Variants in RNF157 observed in about 807,000 individuals in gnomAD.
The protein encoded by RNF157 is ring finger protein 157.
In RNF157, 55 loss-of-function variants were observed where a neutral mutation model predicts 88.3. That is an observed-to-expected ratio of 0.62 (90% CI 0.50 to 0.78). The LOEUF (loss-of-function observed/expected upper bound fraction) is 0.78. Ranked by LOEUF, RNF157 falls within the 30% of genes least tolerant of loss-of-function variation. The pLI is 0.00. For missense variants in RNF157, 788 were observed against 860.8 expected (o/e 0.92, Z 1.06); for synonymous variants, 334 against 341.2 (o/e 0.98, Z 0.23).
intron 3 of RNF157, among the ~76,000 whole-genome samples, chr17:76,170,519 C>A (rs915177535): frequency 3.3e-5 from 5 of 152,274 alleles, no homozygotes; most frequent in Admixed American, 1.3e-4. Flanking sequence ...TTTGACCTTT[C>A]CAGGGAGAGT....
chr17:76,156,924 C>T (rs187846540), intron 13 of RNF157, among the ~76,000 whole-genome samples: 9 of 152,176 alleles, frequency 5.9e-5, no homozygotes, highest in South Asian at 2.1e-4. Flanking sequence ...CCTCCAGGCG[C>T]TCCTCTTTTG....
At chr17:76,232,078 T>C (rs553189623) in intron 1 of RNF157, among the ~76,000 whole-genome samples, 37 of 152,300 alleles carry the variant, frequency 2.4e-4, no homozygotes, top group African/African-American at 8.4e-4. Flanking sequence ...ATCAGTAGTT[T>C]ATCCCTTTAA....
intron 2 of RNF157, among the ~76,000 whole-genome samples, chr17:76,205,822 T>A (rs1008677356): frequency 6.6e-6 from 1 of 152,158 alleles, no homozygotes; most frequent in African/African-American, 2.4e-5. Flanking sequence ...AGAAACTGTG[T>A]CAATGCGGCC....
At position 76,145,178 on chromosome 17, in the gene RNF157, G is replaced by C; in HGVS notation, c.*57C>G. On this transcript the variant is annotated 3_prime_UTR_variant, in exon 19 of 19. Coordinates refer to ENST00000269391, the MANE Select transcript of RNF157 (RefSeq NM_052916.3). ...TGAGGATGCCCAGTAGGCAGCAGCT[G>C]AGTGAGGATGGATGGAATGCAGGGC... 1 of 1,178,530 alleles carries C rather than the reference G, an allele frequency of 8.5e-7. No individual in the cohort carries two copies. The highest frequency in any genetic ancestry group is 1.2e-6 in the Non-Finnish European group (1 of 800,592). The allele number at this position is 1,178,530 out of a possible 1,614,324, so 73.0% of individuals were successfully genotyped here. A position where few individuals can be genotyped will look rare whatever the true frequency, so the allele number is the denominator to read the frequency against.
Position 76,156,257 on chromosome 17 carries a change from G to C in RNF157, c.1478C>G (p.Ser493Trp), listed in dbSNP as rs748518588. ...TGACAGAGGCGTCCCTGTGCAAGACGACTGGTCAATAGCTCCAGATGACGA... is the reference window on the plus strand; with the variant it reads ...TGACAGAGGCGTCCCTGTGCAAGACCACTGGTCAATAGCTCCAGATGACGA... ...TLSSSGAIDQ[S>W]SCTGTPLSST... is the part of the protein sequence containing the mutation. The change falls in exon 14 of 19, where the codon TCG becomes TGG. Residue 493 changes from serine to tryptophan, a missense_variant. By Grantham distance (177) the Ser-to-Trp change is radical (BLOSUM62 -3). Transcript: ENST00000269391. The C allele has an allele frequency of 1.2e-6, 2 of 1,614,086 alleles. No homozygotes were observed. The highest frequency in any genetic ancestry group is 1.3e-5 in the African/African-American group (1 of 75,024).
chr17:76,151,772 A>T (rs1249497229), intron 18 of RNF157, among the ~76,000 whole-genome samples: 1 of 152,206 alleles, frequency 6.6e-6, no homozygotes, highest in African/African-American at 2.4e-5. Context: ...TTACAGCTCC[A>T]GGGAGCATAG....
At chr17:76,185,556 G>A (rs1457762276) in intron 2 of RNF157, among the ~76,000 whole-genome samples, 1 of 149,988 alleles carries the variant, frequency 6.7e-6, no homozygotes, top group Non-Finnish European at 1.5e-5. Flanking sequence ...TGCAAGCTCC[G>A]CCTCCCGGGT....
Position 76,225,705 on chromosome 17 carries a change from A to G in RNF157, c.89-13223T>C, listed in dbSNP as rs1431524462. ...ATTTATTGGAACACACAGCTACAGC[A>G]GACACTCTATGTACAAGCACGTTGA... On this transcript the variant is annotated intron_variant, in intron 1 of 18. Transcript: ENST00000269391. 1.2e-5 allele frequency: 17 copies of G among 1,387,762 alleles called. No homozygotes were observed. In the Admixed American group the frequency reaches 3.4e-4, roughly 28 times the overall value. The allele number at this position is 1,387,762 out of a possible 1,614,324, so 86.0% of individuals were successfully genotyped here. A position where few individuals can be genotyped will look rare whatever the true frequency, so the allele number is the denominator to read the frequency against.
intron 1 of RNF157, among the ~76,000 whole-genome samples, chr17:76,227,477 G>A (rs1162961475): frequency 3.3e-5 from 5 of 151,902 alleles, no homozygotes; most frequent in South Asian, 4.1e-4. Context: ...AGTACTACAC[G>A]GGTTATTCTT....
chr17:76,185,260 G>C (rs984271036), intron 2 of RNF157, among the ~76,000 whole-genome samples: 2 of 152,124 alleles, frequency 1.3e-5, no homozygotes, highest in African/African-American at 4.8e-5. Context: ...CTTCCCAGCA[G>C]GCTAAAACCT....
Position 76,240,084 on chromosome 17 carries a change from C to A in RNF157, c.88+69G>T. ...CGAAGACCCGCGGGGCCCCCTCAGG[C>A]CGTCCCGACCCAGACCCCTGCCCCT... On this transcript the variant is annotated intron_variant, in intron 1 of 18. Transcript: ENST00000269391. This position sits in a 1 kb window ranked among gnomAD's most constrained non-coding sequence, Gnocchi z 4.4. 2.0e-6 allele frequency: 2 copies of A among 987,496 alleles called. No homozygotes were observed. The highest frequency in any genetic ancestry group is 2.6e-6 in the Non-Finnish European group (2 of 770,590). 61.2% of individuals were successfully genotyped at this position (987,496 alleles called of 1,614,324 possible). A position where few individuals can be genotyped will look rare whatever the true frequency, so the allele number is the denominator to read the frequency against.
rs144159568 is a variant in RNF157, at chr17:76,162,110, C to A, written c.793-108G>T. ...AGCTAAGATAAGTAATAATTACGAACAAAATCTGCATTGACATTGGACTTT... is the reference window on the plus strand; with the variant it reads ...AGCTAAGATAAGTAATAATTACGAAAAAAATCTGCATTGACATTGGACTTT... On this transcript the variant is annotated intron_variant, in intron 9 of 18. Transcript: ENST00000269391. The A allele has an allele frequency of 3.5e-4, 387 of 1,109,594 alleles. No individual in the cohort carries two copies. In the African/African-American group the frequency reaches 5.6e-3, roughly 16 times the overall value. The allele number at this position is 1,109,594 out of a possible 1,614,324, so 68.7% of individuals were successfully genotyped here. A position where few individuals can be genotyped will look rare whatever the true frequency, so the allele number is the denominator to read the frequency against.
chr17:76,230,858 A>AAGAG (rs1157555551), intron 1 of RNF157, among the ~76,000 whole-genome samples: 2 of 55,084 alleles, frequency 3.6e-5, no homozygotes, highest in Admixed American at 2.1e-4. Context: ...AAAAAAAAAA[A>AAGAG]AGAGAGAGAG....
intron 2 of RNF157, among the ~76,000 whole-genome samples, chr17:76,202,128 TCACACACACACACACACACA>T (rs60491535): frequency 1.5e-5 from 2 of 134,602 alleles, no homozygotes; most frequent in Non-Finnish European, 3.1e-5. Context: ...TCTCTCTCTC[TCACACACACACACACACACA>T]CACACACACA....
At chr17:76,165,178 G>C (rs968372078) in intron 7 of RNF157, among the ~76,000 whole-genome samples, 2 of 152,100 alleles carry the variant, frequency 1.3e-5, no homozygotes, top group African/African-American at 4.8e-5. Flanking sequence ...TATCTCCTGA[G>C]GATAAGGGGG....
intron 2 of RNF157, among the ~76,000 whole-genome samples, chr17:76,194,154 G>A (rs1034834769): frequency 1.3e-5 from 2 of 152,116 alleles, no homozygotes; most frequent in African/African-American, 2.4e-5. Flanking sequence ...ACACAACAGT[G>A]TAACCACCAT....
chr17:76,148,761 G>T (rs1247722618), intron 18 of RNF157, among the ~76,000 whole-genome samples: 1 of 151,936 alleles, frequency 6.6e-6, no homozygotes, highest in Non-Finnish European at 1.5e-5. Flanking sequence ...TGTAGAGATG[G>T]GGTTTCACTG....
At chr17:76,237,706 T>C (rs1187944354) in intron 1 of RNF157, among the ~76,000 whole-genome samples, 1 of 152,034 alleles carries the variant, frequency 6.6e-6, no homozygotes, top group Non-Finnish European at 1.5e-5. Flanking sequence ...ATCAGTGAAA[T>C]GAATGGGAGG....
intron 2 of RNF157, among the ~76,000 whole-genome samples, chr17:76,208,053 C>T (rs1201132784): frequency 6.6e-6 from 1 of 152,096 alleles, no homozygotes; most frequent in Non-Finnish European, 1.5e-5. Flanking sequence ...GTAGCTGGGA[C>T]TAGAGGCATG....
Sources: allele counts gnomAD v4.1 joint callset (sites outside exome capture counted in the v4.1 genomes callset), GRCh38; gene constraint gnomAD v4.1.1; non-coding constraint Gnocchi (gnomAD v3.1); transcripts MANE v1.5; gene names NCBI Gene and HGNC (gene_info 2026-07-23, HGNC 2026-07-21).